Variants in GRID1 observed in about 807,000 individuals in gnomAD.
The protein encoded by GRID1 is glutamate ionotropic receptor delta type subunit 1, also known as glutamate receptor ionotropic, delta-1.
In GRID1, 28 loss-of-function variants were observed where a neutral mutation model predicts 98.0. That is an observed-to-expected ratio of 0.29 (90% CI 0.21 to 0.39). The LOEUF (loss-of-function observed/expected upper bound fraction) is 0.39, where lower values mean the gene tolerates loss of function less well. Ranked by LOEUF, GRID1 falls within the 10% of genes least tolerant of loss-of-function variation. The probability of loss-of-function intolerance (pLI) is 1.00; values close to 1 mark genes in which losing one functional copy is unlikely to be tolerated. For synonymous variants in GRID1, 553 were observed against 538.5 expected, an observed-to-expected ratio of 1.03 and a Z score of -0.37; for missense variants, 1,111 against 1,340.5, an observed-to-expected ratio of 0.83 and a Z score of 2.67.
chr10:85,989,754 C>T (rs1286113350), intron 4 of GRID1, among the ~76,000 whole-genome samples: 1 of 152,152 alleles, frequency 6.6e-6, no homozygotes, highest in Non-Finnish European at 1.5e-5. Flanking sequence ...CGCTGTTCTA[C>T]AGGAAGGGAA....
chr10:85,685,872 T>C (rs1039176719), intron 12 of GRID1, among the ~76,000 whole-genome samples: 1 of 152,028 alleles, frequency 6.6e-6, no homozygotes, highest in East Asian at 1.9e-4. Flanking sequence ...ACAGATGTTA[T>C]GATACATAGT....
At chr10:86,118,283 T>C (rs546783100) in intron 4 of GRID1, among the ~76,000 whole-genome samples, 1 of 152,230 alleles carries the variant, frequency 6.6e-6, no homozygotes, top group African/African-American at 2.4e-5. Flanking sequence ...AGCTAAGTTA[T>C]GAGGATGCAA....
At chr10:85,914,617 TG>T (rs1253618786) in intron 5 of GRID1, among the ~76,000 whole-genome samples, 1 of 152,144 alleles carries the variant, frequency 6.6e-6, no homozygotes, top group African/African-American at 2.4e-5. Context: ...TGTGAATTCA[TG>T]GAGGAAAATC....
At chr10:85,889,444 C>T (rs945109234) in intron 5 of GRID1, among the ~76,000 whole-genome samples, 2 of 152,154 alleles carry the variant, frequency 1.3e-5, no homozygotes, top group African/African-American at 4.8e-5. Context: ...AATGGTCTTT[C>T]TGTGCCTGGC....
chr10:85,889,670 T>C (rs958190242), intron 5 of GRID1, among the ~76,000 whole-genome samples: 2 of 152,172 alleles, frequency 1.3e-5, no homozygotes, highest in Non-Finnish European at 2.9e-5. Context: ...TTGGAGATGT[T>C]GATTTCCTTT....
chr10:86,127,137 C>A (rs1210675533), intron 4 of GRID1, among the ~76,000 whole-genome samples: 1 of 152,204 alleles, frequency 6.6e-6, no homozygotes, highest in African/African-American at 2.4e-5. Flanking sequence ...CCCTGCTTCG[C>A]TAGGCACAGG....
chr10:85,610,094 C>T (rs376793404), intron 15 of GRID1, among the ~76,000 whole-genome samples: 50 of 152,304 alleles, frequency 3.3e-4, no homozygotes, highest in African/African-American at 1.2e-3. Flanking sequence ...AGGTTTCTGG[C>T]TCTTAAGAAA....
chr10:85,829,903 CA>C (rs1448123142), intron 8 of GRID1, among the ~76,000 whole-genome samples: 1 of 152,096 alleles, frequency 6.6e-6, no homozygotes, highest in Non-Finnish European at 1.5e-5. Flanking sequence ...TTTACAGATG[CA>C]ATGCTATCCC....
intron 2 of GRID1, among the ~76,000 whole-genome samples, chr10:86,243,472 A>G (rs1846669950): frequency 6.6e-6 from 1 of 152,082 alleles, no homozygotes; most frequent in Non-Finnish European, 1.5e-5. Flanking sequence ...TGCCAATGGG[A>G]ACTCAGCTCC....
At chr10:85,745,706 A>G (rs1015968568) in intron 8 of GRID1, among the ~76,000 whole-genome samples, 12 of 142,936 alleles carry the variant, frequency 8.4e-5, no homozygotes, top group African/African-American at 3.0e-4. Context: ...CATGTACCCT[A>G]AAACTTAAAG....
intron 3 of GRID1, among the ~76,000 whole-genome samples, chr10:86,141,645 A>C (rs1415246085): frequency 1.3e-5 from 2 of 152,240 alleles, no homozygotes; most frequent in Non-Finnish European, 2.9e-5. Flanking sequence ...ATATATGGCC[A>C]TTAAAACGTC....
In GRID1 at chr10:86,138,950, T is replaced by C. The variant is rs1267044550; in HGVS notation, c.595A>G (p.Lys199Glu). The C allele has an allele frequency of 6.2e-7, 1 of 1,614,136 alleles. No individual in the cohort carries two copies. Among genetic ancestry groups the C allele is most frequent in the South Asian group, 1.1e-5 (1 of 91,088 alleles). The change falls in exon 4 of 16, where the codon AAG becomes GAG. Residue 199 changes from lysine (K) to glutamate (E), a missense_variant. Physicochemically the swap from Lys to Glu is moderately conservative, Grantham distance 56. Coordinates refer to ENST00000327946, the MANE Select transcript of GRID1 (RefSeq NM_017551.3). ...GLDVSLQKVD[K>E]NISHVFTSLF... ...CTGGTGAATACGTGGCTAATGTTCT[T>C]GTCCACCTTTTGTAAAGAGACGTCA...
chr10:86,003,608 C>G (rs1331000672), intron 4 of GRID1, among the ~76,000 whole-genome samples: 1 of 152,174 alleles, frequency 6.6e-6, no homozygotes, highest in Non-Finnish European at 1.5e-5. Flanking sequence ...CCATATTCAC[C>G]CAGCCCAAGT....
chr10:85,805,268 A>C (rs1034414160), intron 8 of GRID1, among the ~76,000 whole-genome samples: 1 of 151,780 alleles, frequency 6.6e-6, no homozygotes, highest in Admixed American at 6.6e-5. Flanking sequence ...AGTGTACAAA[A>C]CATAAACTAC....
chr10:85,663,205 G>A (rs1840985208), intron 12 of GRID1, among the ~76,000 whole-genome samples: 1 of 152,130 alleles, frequency 6.6e-6, no homozygotes, highest in African/African-American at 2.4e-5. Flanking sequence ...CTTATCAGAG[G>A]TCATCAAGTT....
intron 8 of GRID1, among the ~76,000 whole-genome samples, chr10:85,740,924 G>GTA (rs1209384205): frequency 6.6e-6 from 1 of 151,688 alleles, no homozygotes; most frequent in African/African-American, 2.4e-5. Context: ...GCTAATTTTT[G>GTA]TATATTTTTA....
chr10:86,168,265 A>T (rs1230239844), intron 3 of GRID1, among the ~76,000 whole-genome samples: 3 of 152,202 alleles, frequency 2.0e-5, no homozygotes, highest in African/African-American at 7.2e-5. Context: ...ACAGGTACTT[A>T]ACCACTTTGA....
chr10:85,781,063 A>G (rs978202622), intron 8 of GRID1, among the ~76,000 whole-genome samples: 3 of 152,152 alleles, frequency 2.0e-5, no homozygotes, highest in Admixed American at 6.5e-5. Flanking sequence ...GATTTTCTCT[A>G]TTACATGAAG....
intron 12 of GRID1, among the ~76,000 whole-genome samples, chr10:85,718,638 GC>G (rs1841666565): frequency 6.6e-6 from 1 of 152,184 alleles, no homozygotes; most frequent in Admixed American, 6.5e-5. Context: ...GCCCCTTTCA[GC>G]CATGGTGGGA....
Sources: gnomAD v4.1 joint callset for allele counts (sites outside exome capture counted in the v4.1 genomes callset) on GRCh38, gnomAD v4.1.1 for gene constraint, MANE v1.5 for transcripts, NCBI Gene and HGNC (gene_info 2026-07-23, HGNC 2026-07-21) for gene names.